EDEM2: variants seen among roughly 807,000 people sequenced by gnomAD.
EDEM2 encodes the protein ER degradation-enhancing alpha-mannosidase-like protein 2.
Under a neutral mutation model 64.8 loss-of-function variants are expected in EDEM2, and 39 were observed. That is an observed-to-expected ratio of 0.60 (90% CI 0.47 to 0.79). EDEM2 has a LOEUF of 0.79. EDEM2 is among the 30% of genes least tolerant of loss of function. The pLI is 0.00. For missense variants in EDEM2, 609 were observed against 731.3 expected, an observed-to-expected ratio of 0.83 and a Z score of 1.93; for synonymous variants, 296 against 291.5, an observed-to-expected ratio of 1.02 and a Z score of -0.16.
intron 4 of EDEM2, among the ~76,000 whole-genome samples, chr20:35,138,950 C>T (rs1267610424): frequency 6.6e-6 from 1 of 151,970 alleles, no homozygotes; most frequent in Non-Finnish European, 1.5e-5. Flanking sequence ...CCTGAGTGGC[C>T]CTCTCAATGA....
At chr20:35,146,085 T>C (rs923489992) in intron 2 of EDEM2, among the ~76,000 whole-genome samples, 5 of 150,494 alleles carry the variant, frequency 3.3e-5, no homozygotes, top group Admixed American at 2.0e-4. Flanking sequence ...AAGATACACA[T>C]ACACACATCT....
chr20:35,135,077 G>T, intron 5 of EDEM2, 128 bp from the exon 6 acceptor site: 2 of 918,608 alleles, frequency 2.2e-6, no homozygotes, highest in Non-Finnish European at 3.2e-6. Flanking sequence ...TAGAGTCTGA[G>T]CCAGAGAAAG....
intron 4 of EDEM2, among the ~76,000 whole-genome samples, chr20:35,138,303 T>C (rs1209586362): frequency 6.6e-6 from 1 of 152,208 alleles, no homozygotes; most frequent in Non-Finnish European, 1.5e-5. Context: ...ACAGTGGCTA[T>C]TTTTTGTAAG....
At chr20:35,146,240 T>TA (rs1255279418) in intron 2 of EDEM2, among the ~76,000 whole-genome samples, 1 of 152,072 alleles carries the variant, frequency 6.6e-6, no homozygotes, top group South Asian at 2.1e-4. Flanking sequence ...TGTTTCAACT[T>TA]AAAAAAATAA....
At chr20:35,134,672 C>T in intron 6 of EDEM2, 66 bp downstream of exon 6, 1 of 1,577,490 alleles carries the variant, frequency 6.3e-7, no homozygotes, top group South Asian at 1.1e-5. Context: ...TTGACTGCAA[C>T]TTATTGCTCA....
chr20:35,131,480 C>T (rs1451517110), intron 7 of EDEM2, among the ~76,000 whole-genome samples, 162 bp downstream of exon 7: 1 of 152,148 alleles, frequency 6.6e-6, no homozygotes, highest in African/African-American at 2.4e-5. Flanking sequence ...GCATGAGAAT[C>T]ACTTGAACCT....
intron 9 of EDEM2, among the ~76,000 whole-genome samples, chr20:35,122,956 C>A (rs2085386684): frequency 6.6e-6 from 1 of 152,160 alleles, no homozygotes; most frequent in Non-Finnish European, 1.5e-5. Context: ...TGGGGGATGA[C>A]TATGTGTGCT....
At chr20:35,137,775 G>A (rs1366356892) in intron 5 of EDEM2, 105 bp downstream of exon 5, 6 of 1,483,652 alleles carry the variant, frequency 4.0e-6, no homozygotes, top group Non-Finnish European at 5.4e-6. Context: ...AAATACACCT[G>A]GTGAGAAATA....
Position 35,126,393 on chromosome 20 carries a change from G to A in EDEM2, c.845-18C>T. ...GTTATACTCTGCAGTGGGGGAGATGGGATAATGGACATATGAGTGATTAGG... is the reference window on the plus strand; with the variant it reads ...GTTATACTCTGCAGTGGGGGAGATGAGATAATGGACATATGAGTGATTAGG... On this transcript the variant is annotated intron_variant, in intron 7 of 10. Transcript: ENST00000374492. 1 of 1,612,996 alleles carries A rather than the reference G, an allele frequency of 6.2e-7. No individual in the cohort carries two copies. The highest frequency in any genetic ancestry group is 8.5e-7 in the Non-Finnish European group (1 of 1,179,672).
chr20:35,126,496 A>G, intron 7 of EDEM2, 121 bp from the exon 8 acceptor site: 1 of 1,200,826 alleles, frequency 8.3e-7, no homozygotes, highest in Non-Finnish European at 1.2e-6. Flanking sequence ...TGAGGCAAGG[A>G]GGCTAGACAA....
intron 9 of EDEM2, among the ~76,000 whole-genome samples, chr20:35,122,294 CA>C (rs2085379102): frequency 6.6e-6 from 1 of 152,238 alleles, no homozygotes; most frequent in Non-Finnish European, 1.5e-5. Flanking sequence ...CTATGTCTTA[CA>C]TTTAGTTCCA....
intron 3 of EDEM2, among the ~76,000 whole-genome samples, chr20:35,144,308 C>A (rs1004292544): frequency 6.6e-6 from 1 of 152,120 alleles, no homozygotes; most frequent in African/African-American, 2.4e-5. Flanking sequence ...CCTACAGAAA[C>A]ATACTAACTA....
chr20:35,138,068 T>C (rs2085602513), intron 4 of EDEM2, 63 bp from the exon 5 acceptor site: 1 of 1,590,862 alleles, frequency 6.3e-7, no homozygotes, highest in Admixed American at 1.8e-5. Flanking sequence ...ATCAAGGATC[T>C]TTCCCCTGTG....
chr20:35,127,264 G>A (rs6141535), intron 7 of EDEM2, among the ~76,000 whole-genome samples: 78,735 of 151,998 alleles, frequency 0.52, 22,814 homozygotes, highest in East Asian at 0.68. Flanking sequence ...TCTTGAGTAC[G>A]TCTTTATCAG....
chr20:35,129,981 C>A (rs1465235722), intron 7 of EDEM2, among the ~76,000 whole-genome samples: 9 of 152,206 alleles, frequency 5.9e-5, no homozygotes, highest in Non-Finnish European at 2.9e-5. Context: ...CGATGCAATT[C>A]TCAGACTATA....
intron 8 of EDEM2, among the ~76,000 whole-genome samples, chr20:35,124,555 T>TG (rs1223298690): frequency 6.6e-6 from 1 of 152,062 alleles, no homozygotes. Context: ...TCTGTAGAGA[T>TG]GGGGGTCTCA....
intron 10 of EDEM2, 117 bp downstream of exon 10, chr20:35,118,481 T>C (rs1294797931): frequency 1.4e-6 from 2 of 1,471,324 alleles, no homozygotes; most frequent in Non-Finnish European, 1.9e-6. Context: ...ATTATGTATA[T>C]CTCCAAGGTC....
chr20:35,132,720 T>C (rs1170805388), intron 6 of EDEM2, among the ~76,000 whole-genome samples: 1 of 152,212 alleles, frequency 6.6e-6, no homozygotes, highest in Non-Finnish European at 1.5e-5. Flanking sequence ...GTATTTTTAG[T>C]AGAGACATGG....
In EDEM2 at chr20:35,131,698, T is replaced by C; in HGVS notation, c.788A>G (p.Tyr263Cys). 1 of 1,614,244 alleles carries C rather than the reference T, an allele frequency of 6.2e-7. No homozygotes were observed. The highest frequency in any genetic ancestry group is 8.5e-7 in the Non-Finnish European group (1 of 1,180,030). The change falls in exon 7 of 11, where the codon TAC (tyrosine) becomes TGC (cysteine). Residue 263 changes from tyrosine to cysteine, a missense_variant. By Grantham distance (194) the Tyr-to-Cys change is radical. Coordinates refer to ENST00000374492, the MANE Select transcript of EDEM2 (RefSeq NM_018217.3). ...AAGCAGGATGGCTCCTTTCACCAAGTACTCAAAGTAGGAGTCCACGCCAGC... is the reference window on the plus strand; with the variant it reads ...AAGCAGGATGGCTCCTTTCACCAAGCACTCAAAGTAGGAGTCCACGCCAGC... ...IGAGVDSYFE[Y>C]LVKGAILLQD...
Sources: allele counts gnomAD v4.1 joint callset (sites outside exome capture counted in the v4.1 genomes callset), GRCh38; gene constraint gnomAD v4.1.1; transcripts MANE v1.5; gene names NCBI Gene and HGNC (gene_info 2026-07-23, HGNC 2026-07-21).